KLHL29: variants seen among roughly 807,000 people sequenced by gnomAD.
The protein encoded by KLHL29 is kelch like family member 29.
Under a neutral mutation model 80.4 loss-of-function variants are expected in KLHL29, and 21 were observed. That is an observed-to-expected ratio of 0.26 (90% CI 0.19 to 0.38). The LOEUF is 0.38. Ranked by LOEUF, KLHL29 falls within the 10% of genes least tolerant of loss-of-function variation. KLHL29 has a pLI of 1.00. For missense variants in KLHL29, 867 were observed against 1,223.9 expected (o/e 0.71, Z 4.35); for synonymous variants, 511 against 526.8 (o/e 0.97, Z 0.41).
At chr2:23,663,717 C>T (rs1468274482) in intron 5 of KLHL29, among the ~76,000 whole-genome samples, 2 of 152,176 alleles carry the variant, frequency 1.3e-5, no homozygotes, top group Admixed American at 1.3e-4. Flanking sequence ...AAATAAACTT[C>T]CTCTGGTAGA....
intron 5 of KLHL29, among the ~76,000 whole-genome samples, chr2:23,670,917 G>GCGCTCTCT (rs150131401): frequency 1.1e-4 from 2 of 18,534 alleles, no homozygotes; most frequent in Non-Finnish European, 2.4e-4. Context: ...ACATGCACGC[G>GCGCTCTCT]CTCTCTCTCT....
intron 1 of KLHL29, among the ~76,000 whole-genome samples, chr2:23,469,739 T>C (rs1664444361): frequency 6.6e-6 from 1 of 152,196 alleles, no homozygotes; most frequent in South Asian, 2.1e-4. Flanking sequence ...CTTTACTCTT[T>C]ACTGAGCATC....
At chr2:23,404,900 A>G (rs373898772) in intron 1 of KLHL29, among the ~76,000 whole-genome samples, 22 of 152,170 alleles carry the variant, frequency 1.4e-4, no homozygotes, top group African/African-American at 5.1e-4. Flanking sequence ...TGAAACTTGA[A>G]TCTCATATTT....
chr2:23,637,935 G>C (rs1669660956), intron 3 of KLHL29, among the ~76,000 whole-genome samples: 1 of 152,020 alleles, frequency 6.6e-6, no homozygotes, highest in African/African-American at 2.4e-5. Context: ...CACCTGGTTG[G>C]GGTCTGGCTG....
intron 1 of KLHL29, among the ~76,000 whole-genome samples, chr2:23,416,130 G>A (rs920520888): frequency 2.0e-5 from 3 of 152,096 alleles, no homozygotes; most frequent in African/African-American, 4.8e-5. Flanking sequence ...ATAACATCCC[G>A]AGAGCCTGGG....
Position 23,480,802 on chromosome 2 carries a change from A to G in KLHL29, c.-46+5135A>G, listed in dbSNP as rs368205237. ...CTATGTTCATCTTGCGCCACCCCAC[A>G]TGAACTCTACGGGCTGTTAGAATAT... is the stretch of plus-strand genomic sequence containing the variant. On this transcript the variant is annotated intron_variant, in intron 2 of 13. Transcript: ENST00000486442. Among the ~76,000 whole-genome samples, 4 of 152,288 alleles carry G rather than the reference A, an allele frequency of 2.6e-5. No individual in the cohort carries two copies. The South Asian group carries it at 6.2e-4, about 24-fold the overall frequency.
intron 1 of KLHL29, among the ~76,000 whole-genome samples, chr2:23,420,187 G>T (rs1276669233): frequency 6.6e-6 from 1 of 152,048 alleles, no homozygotes; most frequent in African/African-American, 2.4e-5. Flanking sequence ...CACGGACTCC[G>T]CATCGTCTAT....
chr2:23,402,984 A>T (rs983317831), intron 1 of KLHL29, among the ~76,000 whole-genome samples: 1 of 150,812 alleles, frequency 6.6e-6, no homozygotes, highest in Non-Finnish European at 1.5e-5. Context: ...ATATATACAT[A>T]TAGTTTTCAC....
At chr2:23,652,445 C>T (rs1189771282) in intron 5 of KLHL29, among the ~76,000 whole-genome samples, 3 of 152,224 alleles carry the variant, frequency 2.0e-5, no homozygotes, top group African/African-American at 7.2e-5. Context: ...AAGCTGGTCC[C>T]TGTTCTACAT....
chr2:23,573,738 G>A (rs945309106), intron 3 of KLHL29, among the ~76,000 whole-genome samples: 6 of 152,202 alleles, frequency 3.9e-5, no homozygotes, highest in Admixed American at 2.0e-4. Context: ...TCAGGCGACC[G>A]TTTTTCCTTA....
At chr2:23,694,910 G>T (rs1235520896) in intron 8 of KLHL29, among the ~76,000 whole-genome samples, 1 of 152,074 alleles carries the variant, frequency 6.6e-6, no homozygotes, top group African/African-American at 2.4e-5. Flanking sequence ...ATTAAACTGT[G>T]TACCCCTTGA....
chr2:23,470,417 T>TGG, intron 1 of KLHL29, among the ~76,000 whole-genome samples: 1 of 152,334 alleles, frequency 6.6e-6, no homozygotes, highest in Non-Finnish European at 1.5e-5. Context: ...GGCTTGCTGT[T>TGG]CAGGCTCCCT....
chr2:23,637,157 C>T (rs1669634448), intron 3 of KLHL29, among the ~76,000 whole-genome samples: 1 of 152,148 alleles, frequency 6.6e-6, no homozygotes, highest in African/African-American at 2.4e-5. Flanking sequence ...TGCTCCCAGG[C>T]CCAGTGTGGG....
At chr2:23,433,854 G>A (rs537029828) in intron 1 of KLHL29, among the ~76,000 whole-genome samples, 2 of 152,294 alleles carry the variant, frequency 1.3e-5, no homozygotes, top group Non-Finnish European at 1.5e-5. Context: ...AAGAGTTTGA[G>A]GCTGCAGTAA....
intron 3 of KLHL29, among the ~76,000 whole-genome samples, chr2:23,601,302 T>G (rs1026522399): frequency 4.6e-5 from 7 of 152,144 alleles, no homozygotes; most frequent in Admixed American, 4.6e-4. Flanking sequence ...TTAAGTGGGT[T>G]TTGGGTGGGA....
intron 4 of KLHL29, among the ~76,000 whole-genome samples, chr2:23,640,158 A>G (rs533955058): frequency 2.0e-5 from 3 of 152,250 alleles, no homozygotes; most frequent in East Asian, 1.9e-4. Context: ...TGGAGACCCA[A>G]TAGCAAGGCT....
At chr2:23,621,838 T>A (rs551696917) in intron 3 of KLHL29, among the ~76,000 whole-genome samples, 1 of 152,216 alleles carries the variant, frequency 6.6e-6, no homozygotes, top group African/African-American at 2.4e-5. Context: ...CCTGTGGTGG[T>A]CAAATGCAGC....
At chr2:23,463,245 A>G (rs1408777696) in intron 1 of KLHL29, among the ~76,000 whole-genome samples, 2 of 147,676 alleles carry the variant, frequency 1.4e-5, no homozygotes, top group Non-Finnish European at 3.0e-5. Context: ...CATTTGGTTT[A>G]TAGGTAAATA....
chr2:23,706,245 G>A (rs1174950961), intron 13 of KLHL29, among the ~76,000 whole-genome samples: 2 of 152,224 alleles, frequency 1.3e-5, no homozygotes. Flanking sequence ...GCGGGGCAGG[G>A]AGGGAGCGCC....
Sources: gnomAD v4.1 joint callset for allele counts (sites outside exome capture counted in the v4.1 genomes callset) on GRCh38, gnomAD v4.1.1 for gene constraint, MANE v1.5 for transcripts, NCBI Gene and HGNC (gene_info 2026-07-23, HGNC 2026-07-21) for gene names.